The following SPSB4 variants were observed in gnomAD, a reference collection of about 807,000 sequenced individuals.
The protein encoded by SPSB4 is splA/ryanodine receptor domain and SOCS box containing 4.
In SPSB4, 21 loss-of-function variants were observed where a neutral mutation model predicts 20.9. That is an observed-to-expected ratio of 1.01 (90% CI 0.71 to 1.45). The LOEUF is 1.45. Ranked by LOEUF, SPSB4 falls within the 40% of genes most tolerant of loss-of-function variation. The probability of loss-of-function intolerance (pLI) is 0.00; values close to 1 mark genes in which losing one functional copy is unlikely to be tolerated. For missense variants in SPSB4, 399 were observed against 399.2 expected, an observed-to-expected ratio of 1.00 and a Z score of 0.00; for synonymous variants, 207 against 183.8, an observed-to-expected ratio of 1.13 and a Z score of -1.02.
chr3:141,056,909 T>C (rs1937656170), intron 1 of SPSB4, among the ~76,000 whole-genome samples: 1 of 152,242 alleles, frequency 6.6e-6, no homozygotes. Context: ...GCTGCCCTGG[T>C]CACAGCCTAG....
chr3:141,078,211 T>C (rs899258075), intron 2 of SPSB4, among the ~76,000 whole-genome samples: 2 of 152,204 alleles, frequency 1.3e-5, no homozygotes, highest in African/African-American at 2.4e-5. Context: ...CTTAGCATAC[T>C]TGCCTGGACC....
intron 2 of SPSB4, among the ~76,000 whole-genome samples, chr3:141,112,644 C>CAAAAAAAAAAAAA (rs60396514): frequency 0.016 from 511 of 32,812 alleles, 17 homozygotes; most frequent in African/African-American, 0.026. Flanking sequence ...GACTCCGTCT[C>CAAAAAAAAAAAAA]AAAAAAAAAA....
intron 2 of SPSB4, among the ~76,000 whole-genome samples, chr3:141,128,724 A>C (rs141876922): frequency 1.3e-5 from 2 of 152,062 alleles, no homozygotes; most frequent in African/African-American, 2.4e-5. Context: ...GTGGTAGGGA[A>C]GCTGAGGGCT....
At chr3:141,113,287 A>C (rs1938832179) in intron 2 of SPSB4, among the ~76,000 whole-genome samples, 1 of 152,240 alleles carries the variant, frequency 6.6e-6, no homozygotes. Context: ...ATTCTTAGGT[A>C]TATACAGAAG....
intron 2 of SPSB4, among the ~76,000 whole-genome samples, chr3:141,116,541 G>T (rs2107799951): frequency 6.6e-6 from 1 of 152,238 alleles, no homozygotes; most frequent in East Asian, 1.9e-4. Flanking sequence ...GTGCATCCCA[G>T]ACCATGTTGC....
chr3:141,091,820 GC>G (rs1938454557), intron 2 of SPSB4, among the ~76,000 whole-genome samples: 1 of 152,200 alleles, frequency 6.6e-6, no homozygotes, highest in Admixed American at 6.5e-5. Context: ...GCTAAAAATG[GC>G]CAGGGAACAC....
At chr3:141,114,785 T>A (rs1938859171) in intron 2 of SPSB4, among the ~76,000 whole-genome samples, 1 of 152,252 alleles carries the variant, frequency 6.6e-6, no homozygotes, top group Non-Finnish European at 1.5e-5. Flanking sequence ...TCTACCAATA[T>A]GTTTTTGTCC....
intron 2 of SPSB4, among the ~76,000 whole-genome samples, chr3:141,094,019 G>A (rs1282827787): frequency 4.6e-5 from 7 of 152,170 alleles, no homozygotes; most frequent in Non-Finnish European, 5.9e-5. Flanking sequence ...GGCAGGTCCC[G>A]GCAGGCAAAT....
At chr3:141,106,869 AGACCACC>A (rs1370016132) in intron 2 of SPSB4, among the ~76,000 whole-genome samples, 3 of 152,336 alleles carry the variant, frequency 2.0e-5, no homozygotes, top group East Asian at 1.9e-4. Context: ...CCCATCTCAC[AGACCACC>A]ACTCCTGAGC....
chr3:141,141,564 T>C (rs1360126494), intron 2 of SPSB4, among the ~76,000 whole-genome samples: 1 of 152,212 alleles, frequency 6.6e-6, no homozygotes, highest in Non-Finnish European at 1.5e-5. Context: ...AAGAGGGAGA[T>C]GATCTGAAAG....
chr3:141,124,735 C>T (rs1229313916), intron 2 of SPSB4, among the ~76,000 whole-genome samples: 1 of 152,080 alleles, frequency 6.6e-6, no homozygotes, highest in East Asian at 1.9e-4. Context: ...AGACAGGGCT[C>T]CCACTAGAGA....
intron 2 of SPSB4, among the ~76,000 whole-genome samples, chr3:141,139,179 A>AT (rs1287398130): frequency 6.6e-6 from 1 of 151,338 alleles, no homozygotes; most frequent in Non-Finnish European, 1.5e-5. Context: ...TTTATTTTCC[A>AT]TTTGCTTGGT....
chr3:141,067,932 A>G (rs1937922454), intron 2 of SPSB4, among the ~76,000 whole-genome samples: 1 of 152,242 alleles, frequency 6.6e-6, no homozygotes, highest in Non-Finnish European at 1.5e-5. Flanking sequence ...GAAATAAGAA[A>G]ACTTAAGAGC....
rs1323174003 is a variant in SPSB4, at chr3:141,065,998, C to G, written c.-107C>G. Reference sequence around the variant, plus strand: ...CCCGGTAGAGGCTGTGGAGGTCTACCGTCCGGAAGCCTGGTTCCCAGCCCC... The same window carrying G: ...CCCGGTAGAGGCTGTGGAGGTCTACGGTCCGGAAGCCTGGTTCCCAGCCCC... On this transcript the variant is annotated 5_prime_UTR_variant, in exon 2 of 3. Coordinates refer to ENST00000310546, the MANE Select transcript of SPSB4 (RefSeq NM_080862.3). 6.6e-6 allele frequency: 7 copies of G among 1,059,640 alleles called. No homozygotes were observed. The African/African-American group carries it at 8.5e-5, about 13-fold the overall frequency. The allele number at this position is 1,059,640 out of a possible 1,614,324, so 65.6% of individuals were successfully genotyped here. A position where few individuals can be genotyped will look rare whatever the true frequency, so the allele number is the denominator to read the frequency against.
chr3:141,145,701 C>A (rs988180931), intron 2 of SPSB4, among the ~76,000 whole-genome samples: 6 of 152,138 alleles, frequency 3.9e-5, no homozygotes, highest in Non-Finnish European at 8.8e-5. Context: ...CCAGCATACT[C>A]CTGGAGGACT....
At chr3:141,066,896 G>A in intron 2 of SPSB4, 98 bp downstream of exon 2, 2 of 1,231,128 alleles carry the variant, frequency 1.6e-6, no homozygotes, top group East Asian at 2.6e-5. Flanking sequence ...GGAGGATCCT[G>A]CAATGTGGAG....
intron 2 of SPSB4, chr3:141,132,359 G>C (rs549861578): frequency 3.7e-6 from 1 of 272,442 alleles, no homozygotes; most frequent in African/African-American, 2.4e-5. Flanking sequence ...GTAGAGACAG[G>C]GTTTCACCAT....
At chr3:141,141,252 A>G (rs2086179) in intron 2 of SPSB4, among the ~76,000 whole-genome samples, 58,068 of 152,088 alleles carry the variant, frequency 0.38, 12,651 homozygotes, top group African/African-American at 0.58. Flanking sequence ...GACTAGGAAA[A>G]GGAATTCCCT....
intron 2 of SPSB4, among the ~76,000 whole-genome samples, chr3:141,135,283 C>T (rs1380725061): frequency 1.3e-5 from 2 of 151,410 alleles, no homozygotes; most frequent in Non-Finnish European, 2.9e-5. Context: ...TATTAATATA[C>T]CGTAATTTAT....
Sources: allele counts gnomAD v4.1 joint callset (sites outside exome capture counted in the v4.1 genomes callset), GRCh38; gene constraint gnomAD v4.1.1; transcripts MANE v1.5; gene names NCBI Gene and HGNC (gene_info 2026-07-23, HGNC 2026-07-21).